DAB1: variants seen among roughly 807,000 people sequenced by gnomAD.
DAB1 encodes the protein DAB adaptor protein 1.
In DAB1, 15 loss-of-function variants were observed where a neutral mutation model predicts 64.6. The ratio of observed to expected loss-of-function variants is 0.23; its 90% CI spans 0.16 to 0.36. The LOEUF is 0.36. Ranked by LOEUF, DAB1 falls within the 10% of genes least tolerant of loss-of-function variation. DAB1 has a pLI of 1.00. For missense variants in DAB1, 596 were observed against 706.7 expected (o/e 0.84, Z 1.78); for synonymous variants, 235 against 251.9 (o/e 0.93, Z 0.64).
At chr1:57,835,460 G>A (rs920662401) in intron 1 of DAB1, among the ~76,000 whole-genome samples, 11 of 152,100 alleles carry the variant, frequency 7.2e-5, no homozygotes, top group Admixed American at 7.2e-4. Context: ...CTATTCCCAA[G>A]CAGAAATTGT....
intron 5 of DAB1, among the ~76,000 whole-genome samples, chr1:58,012,656 G>A (rs1024197029): frequency 6.6e-6 from 1 of 152,102 alleles, no homozygotes; most frequent in South Asian, 2.1e-4. Flanking sequence ...ACAAGAGGTT[G>A]GTCTTGCTCT....
At chr1:57,679,182 G>A (rs1042206957) in intron 6 of DAB1, among the ~76,000 whole-genome samples, 1 of 152,148 alleles carries the variant, frequency 6.6e-6, no homozygotes, top group Non-Finnish European at 1.5e-5. Flanking sequence ...ATCTAGATCT[G>A]ATCTGAATGA....
At position 57,591,105 on chromosome 1, in the gene DAB1, G is replaced by A. The variant is rs572332230; in HGVS notation, n.625+58487C>T. Among the ~76,000 whole-genome samples the A allele has an allele frequency of 9.9e-5, 15 of 152,190 alleles. 1 individual carries two copies. In the South Asian group the frequency reaches 2.1e-3, roughly 21 times the overall value. ...CTGAACCTGCCATGAAAATGCCAGC[G>A]TCCCTTGAATGCAGCGACTCTCAGG... is the stretch of plus-strand genomic sequence containing the variant. On this transcript the variant is annotated intron_variant and non_coding_transcript_variant, in intron 7 of 20. Coordinates refer to the DAB1 transcript ENST00000485760.
chr1:57,652,626 G>C (rs761674022), intron 6 of DAB1, among the ~76,000 whole-genome samples: 4 of 152,022 alleles, frequency 2.6e-5, no homozygotes, highest in Admixed American at 2.0e-4. Context: ...TGGAAGAAAC[G>C]TCCCCTCTTT....
At chr1:58,165,560 A>G (rs999981452) in intron 4 of DAB1, among the ~76,000 whole-genome samples, 8 of 152,180 alleles carry the variant, frequency 5.3e-5, no homozygotes, top group Non-Finnish European at 1.0e-4. Context: ...CAGAGCATGC[A>G]TGTTACCATG....
At chr1:57,740,365 T>C in intron 6 of DAB1, among the ~76,000 whole-genome samples, 1 of 152,192 alleles carries the variant, frequency 6.6e-6, no homozygotes, top group Middle Eastern at 3.2e-3. Flanking sequence ...AAACTCTGGT[T>C]TCTTACTTAC....
intron 5 of DAB1, among the ~76,000 whole-genome samples, chr1:57,973,545 A>C (rs1281253925): frequency 6.6e-6 from 1 of 152,160 alleles, no homozygotes; most frequent in African/African-American, 2.4e-5. Context: ...AAGTACACAA[A>C]GCCCTTAAAC....
At chr1:57,036,923 A>C (rs1247788330) in intron 9 of DAB1, among the ~76,000 whole-genome samples, 1 of 152,206 alleles carries the variant, frequency 6.6e-6, no homozygotes, top group Non-Finnish European at 1.5e-5. Context: ...TTATTCTTAC[A>C]GGAAAAATGA....
chr1:57,302,137 G>A (rs1045428830), intron 1 of DAB1, among the ~76,000 whole-genome samples: 1 of 152,126 alleles, frequency 6.6e-6, no homozygotes, highest in Non-Finnish European at 1.5e-5. Flanking sequence ...AAGGATCTGT[G>A]CTTGACGGGA....
intron 4 of DAB1, among the ~76,000 whole-genome samples, chr1:58,233,558 TTCTC>T (rs1211124232): frequency 5.3e-5 from 8 of 152,326 alleles, no homozygotes; most frequent in African/African-American, 1.9e-4. Context: ...GGTCTTTTCA[TTCTC>T]TCTCTAATTC....
chr1:58,174,075 C>T (rs2100771742), intron 4 of DAB1, among the ~76,000 whole-genome samples: 1 of 152,324 alleles, frequency 6.6e-6, no homozygotes, highest in South Asian at 2.1e-4. Context: ...AGTGACTCTC[C>T]AAAACTGCCA....
intron 1 of DAB1, among the ~76,000 whole-genome samples, chr1:57,417,631 G>A (rs1426741546): frequency 6.6e-6 from 1 of 152,098 alleles, no homozygotes. Flanking sequence ...ACTAAGAACA[G>A]GATATATAAT....
At chr1:57,449,347 C>T (rs1686263762) in intron 7 of DAB1, among the ~76,000 whole-genome samples, 1 of 150,612 alleles carries the variant, frequency 6.6e-6, no homozygotes, top group Non-Finnish European at 1.5e-5. Context: ...TCAGTGGAGT[C>T]TCTGACCCCT....
At chr1:58,285,892 A>G (rs564852198) in intron 4 of DAB1, among the ~76,000 whole-genome samples, 1 of 152,368 alleles carries the variant, frequency 6.6e-6, no homozygotes, top group Admixed American at 6.5e-5. Flanking sequence ...AGCTGGAGGC[A>G]CCACACTACC....
chr1:57,649,424 C>A (rs1038425256), intron 7 of DAB1, among the ~76,000 whole-genome samples: 2 of 152,098 alleles, frequency 1.3e-5, no homozygotes, highest in African/African-American at 4.8e-5. Flanking sequence ...AAAAGCAACC[C>A]GAAGCACCAA....
chr1:58,249,314 C>G (rs1250384927), intron 4 of DAB1, among the ~76,000 whole-genome samples: 1 of 151,982 alleles, frequency 6.6e-6, no homozygotes, highest in Admixed American at 6.6e-5. Context: ...CAGCTCCCCC[C>G]GCCCCGCCCC....
At chr1:58,079,031 A>G (rs544149299) in intron 5 of DAB1, among the ~76,000 whole-genome samples, 2 of 152,346 alleles carry the variant, frequency 1.3e-5, no homozygotes, top group African/African-American at 4.8e-5. Context: ...CACCTCATTC[A>G]GGGATGGATT....
intron 1 of DAB1, among the ~76,000 whole-genome samples, chr1:57,342,452 T>C (rs376283149): frequency 1.3e-5 from 2 of 152,298 alleles, no homozygotes; most frequent in Admixed American, 6.5e-5. Flanking sequence ...ACTTGGCAAA[T>C]AGTGGATGCT....
intron 6 of DAB1, among the ~76,000 whole-genome samples, chr1:57,693,675 A>G (rs1646791125): frequency 1.3e-5 from 2 of 152,180 alleles, no homozygotes; most frequent in Admixed American, 1.3e-4. Flanking sequence ...TTGGGTCTGC[A>G]CCACCTTTAA....
Sources: allele counts gnomAD v4.1 joint callset (sites outside exome capture counted in the v4.1 genomes callset), GRCh38; gene constraint gnomAD v4.1.1; transcripts MANE v1.5; gene names NCBI Gene and HGNC (gene_info 2026-07-23, HGNC 2026-07-21).